FGF14: variants seen among roughly 807,000 people sequenced by gnomAD.
FGF14 encodes the protein fibroblast growth factor homologous factor 4.
Under a neutral mutation model 25.5 loss-of-function variants are expected in FGF14, and 5 were observed. The ratio of observed to expected loss-of-function variants is 0.20; its 90% confidence interval spans 0.10 to 0.41. The LOEUF (loss-of-function observed/expected upper bound fraction) is 0.41. Among genes scored for constraint, FGF14 ranks in the 10% least tolerant of loss-of-function variants. The pLI, the probability that FGF14 is intolerant of heterozygous loss-of-function variation, is 1.00. For synonymous variants in FGF14, 138 were observed against 118.3 expected (o/e 1.17, Z -1.08); for missense variants, 222 against 320.1 (o/e 0.69, Z 2.34).
chr13:101,988,197 T>C (rs569764307), intron 1 of FGF14, among the ~76,000 whole-genome samples: 1 of 152,032 alleles, frequency 6.6e-6, no homozygotes, highest in Non-Finnish European at 1.5e-5. Flanking sequence ...CCGCAGATGT[T>C]AGTCCTGATG....
intron 1 of FGF14, among the ~76,000 whole-genome samples, chr13:102,187,241 C>T (rs1253616030): frequency 6.6e-6 from 1 of 152,186 alleles, no homozygotes; most frequent in African/African-American, 2.4e-5. Context: ...ATAACCCAGA[C>T]ATGCATAGAT....
rs151301649 is a variant in FGF14, at chr13:101,847,829, C to G, written c.408+20896G>C. Among the ~76,000 whole-genome samples, 3 of 152,060 alleles carry G rather than the reference C, an allele frequency of 2.0e-5. No homozygotes were observed. In the East Asian group the frequency reaches 5.8e-4, roughly 29 times the overall value. ...TGAAGAAATCCAATGAAATTTAAAGCCTATTAAAAACATTAAGACATTTTC... is the reference window on the plus strand; with the variant it reads ...TGAAGAAATCCAATGAAATTTAAAGGCTATTAAAAACATTAAGACATTTTC... On this transcript the variant is annotated intron_variant, in intron 3 of 4. Coordinates refer to ENST00000376143, the MANE Select transcript of FGF14 (RefSeq NM_004115.4).
chr13:102,120,349 G>A (rs796612962), intron 1 of FGF14, among the ~76,000 whole-genome samples: 9 of 152,156 alleles, frequency 5.9e-5, no homozygotes, highest in East Asian at 3.9e-4. Flanking sequence ...CAAAAGTACC[G>A]CTAAGCCATG....
intron 1 of FGF14, among the ~76,000 whole-genome samples, chr13:102,202,660 A>G (rs1194270906): frequency 6.6e-6 from 1 of 152,200 alleles, no homozygotes; most frequent in Non-Finnish European, 1.5e-5. Flanking sequence ...TCATAATGAG[A>G]GCCTTCTCAT....
intron 3 of FGF14, among the ~76,000 whole-genome samples, chr13:101,814,735 G>A (rs2041750990): frequency 6.6e-6 from 1 of 152,084 alleles, no homozygotes; most frequent in African/African-American, 2.4e-5. Flanking sequence ...AAACCTACAG[G>A]GATCAGTGAG....
At chr13:101,822,959 C>T (rs111396718) in intron 3 of FGF14, among the ~76,000 whole-genome samples, 1 of 152,154 alleles carries the variant, frequency 6.6e-6, no homozygotes, top group Non-Finnish European at 1.5e-5. Flanking sequence ...TAAGCTCCCA[C>T]ACATGTGTGA....
intron 1 of FGF14, among the ~76,000 whole-genome samples, chr13:102,087,877 C>T (rs2043998203): frequency 6.6e-6 from 1 of 152,102 alleles, no homozygotes; most frequent in Non-Finnish European, 1.5e-5. Flanking sequence ...CAACAACCAT[C>T]TTACAGTTAG....
At chr13:102,361,758 T>C (rs757724266) in intron 1 of FGF14, among the ~76,000 whole-genome samples, 1 of 152,220 alleles carries the variant, frequency 6.6e-6, no homozygotes, top group Non-Finnish European at 1.5e-5. Context: ...AGATTTCACA[T>C]CTTCCAAACT....
intron 1 of FGF14, among the ~76,000 whole-genome samples, chr13:102,031,168 G>A (rs757698584): frequency 2.6e-5 from 4 of 151,882 alleles, no homozygotes; most frequent in South Asian, 4.1e-4. Context: ...TATATGCACC[G>A]GTCAATTTTT....
At chr13:102,161,518 T>C (rs1009705887) in intron 1 of FGF14, among the ~76,000 whole-genome samples, 2 of 151,434 alleles carry the variant, frequency 1.3e-5, no homozygotes, top group Non-Finnish European at 2.9e-5. Flanking sequence ...GGAAAACTCT[T>C]ATCTTAGTTG....
chr13:101,881,501 C>T (rs2045709416), intron 1 of FGF14, among the ~76,000 whole-genome samples: 1 of 152,060 alleles, frequency 6.6e-6, no homozygotes, highest in Non-Finnish European at 1.5e-5. Context: ...TACATATTTT[C>T]CAAATTAAAT....
intron 1 of FGF14, among the ~76,000 whole-genome samples, chr13:102,023,173 C>T (rs1302899143): frequency 1.3e-5 from 2 of 151,806 alleles, no homozygotes; most frequent in Non-Finnish European, 2.9e-5. Flanking sequence ...TACAGTTTAA[C>T]CCTAATATCA....
At chr13:101,936,067 C>T (rs1325520954) in intron 1 of FGF14, among the ~76,000 whole-genome samples, 1 of 152,102 alleles carries the variant, frequency 6.6e-6, no homozygotes, top group Non-Finnish European at 1.5e-5. Flanking sequence ...TACTGAATGC[C>T]AGGCACAGCA....
Position 101,874,121 on chromosome 13 carries a change from C to T in FGF14, c.304+1065G>A, listed in dbSNP as rs150863359. Reference sequence around the variant, plus strand: ...CATGTAAAAATAACCTATTTTGTATCGCTAACTACTGCCAGAATCAGTGTT... The same window carrying T: ...CATGTAAAAATAACCTATTTTGTATTGCTAACTACTGCCAGAATCAGTGTT... On this transcript the variant is annotated intron_variant, in intron 2 of 4. Transcript: ENST00000376143. Among the ~76,000 whole-genome samples the T allele has an allele frequency of 2.0e-4, 30 of 152,008 alleles. 1 individual carries two copies. The highest frequency in any genetic ancestry group is 3.4e-3 in the Middle Eastern group (1 of 294).
At chr13:101,910,889 TG>T (rs2032861013) in intron 1 of FGF14, among the ~76,000 whole-genome samples, 3 of 138,520 alleles carry the variant, frequency 2.2e-5, no homozygotes, top group South Asian at 2.2e-4. Context: ...TGTGTGTGTG[TG>T]TGTTTTAGTT....
chr13:102,139,764 A>G (rs992430079), intron 1 of FGF14, among the ~76,000 whole-genome samples: 1 of 139,110 alleles, frequency 7.2e-6, no homozygotes, highest in Admixed American at 7.2e-5. Context: ...TTCTATCCCA[A>G]GAAGCTTTCA....
chr13:101,873,825 A>C (rs1050528566), intron 2 of FGF14, among the ~76,000 whole-genome samples: 13 of 152,084 alleles, frequency 8.5e-5, no homozygotes, highest in Admixed American at 7.9e-4. Flanking sequence ...CTGTAGCTGA[A>C]TTGTTTTACC....
chr13:102,245,107 G>C (rs958270173), intron 1 of FGF14, among the ~76,000 whole-genome samples: 2 of 152,032 alleles, frequency 1.3e-5, no homozygotes, highest in African/African-American at 4.8e-5. Context: ...AATCAGCTCC[G>C]TATGTGTGCT....
intron 1 of FGF14, among the ~76,000 whole-genome samples, chr13:102,019,846 C>G (rs190815320): frequency 6.6e-6 from 1 of 152,054 alleles, no homozygotes; most frequent in Non-Finnish European, 1.5e-5. Flanking sequence ...GAATTGGACT[C>G]GTATTGTTGC....
Sources: gnomAD v4.1 joint callset for allele counts (sites outside exome capture counted in the v4.1 genomes callset) on GRCh38, gnomAD v4.1.1 for gene constraint, MANE v1.5 for transcripts, NCBI Gene and HGNC (gene_info 2026-07-23, HGNC 2026-07-21) for gene names.